The following NOX4 variants were observed in gnomAD, a reference collection of about 807,000 sequenced individuals.
NOX4 encodes NADPH oxidase 4.
Under a neutral mutation model 87.6 loss-of-function variants are expected in NOX4, and 69 were observed. The observed-to-expected ratio is 0.79, with a 90% CI of 0.65 to 0.96. The LOEUF is 0.96. Ranked by LOEUF, NOX4 falls within the 40% of genes least tolerant of loss-of-function variation. The pLI is 0.00. For missense variants in NOX4, 680 were observed against 681.5 expected, an observed-to-expected ratio of 1.00 and a Z score of 0.02; for synonymous variants, 275 against 238.2, an observed-to-expected ratio of 1.15 and a Z score of -1.42.
intron 11 of NOX4, among the ~76,000 whole-genome samples, chr11:89,385,205 T>A (rs182391723): frequency 6.6e-6 from 1 of 152,282 alleles, no homozygotes; most frequent in Admixed American, 6.5e-5. Flanking sequence ...GAAATAAGTT[T>A]CCTCACTATG....
the NOX4 span, among the ~76,000 whole-genome samples, chr11:89,531,359 C>A: frequency 2.6e-5 from 4 of 152,268 alleles, no homozygotes; most frequent in Admixed American, 2.6e-4. Flanking sequence ...GATTTTAAGA[C>A]ACCTAGATTA....
chr11:89,365,771 A>C (rs1220943839), intron 12 of NOX4, among the ~76,000 whole-genome samples: 1 of 151,372 alleles, frequency 6.6e-6, no homozygotes, highest in Non-Finnish European at 1.5e-5. Flanking sequence ...AAAAAAAAAA[A>C]AAAAACAGGA....
At chr11:89,339,983 C>T in intron 15 of NOX4, 80 bp downstream of exon 15, 1 of 665,072 alleles carries the variant, frequency 1.5e-6, no homozygotes, top group Non-Finnish European at 2.5e-6. Flanking sequence ...CTATGGCAAG[C>T]ATTTATTGCT....
intron 7 of NOX4, 145 bp downstream of exon 7, chr11:89,432,639 G>A (rs1488304750): frequency 1.8e-5 from 10 of 556,698 alleles, no homozygotes; most frequent in Admixed American, 3.1e-5. Flanking sequence ...AAGAAGTCAT[G>A]TATAGAAACA....
intron 6 of NOX4, among the ~76,000 whole-genome samples, chr11:89,437,650 T>C (rs935459459): frequency 1.3e-5 from 2 of 151,950 alleles, no homozygotes; most frequent in Admixed American, 1.3e-4. Context: ...CCAGAGGCCA[T>C]AAAAAAATGT....
upstream of NOX4, among the ~76,000 whole-genome samples, chr11:89,496,536 A>G (rs1380232264): frequency 6.6e-6 from 1 of 152,020 alleles, no homozygotes; most frequent in Non-Finnish European, 1.5e-5. Context: ...TGTACACCTT[A>G]AATATATAAA....
At chr11:89,415,527 G>A (rs765343302) in intron 8 of NOX4, among the ~76,000 whole-genome samples, 46 of 152,030 alleles carry the variant, frequency 3.0e-4, no homozygotes, top group African/African-American at 7.9e-4. Flanking sequence ...CAAACTTTAC[G>A]GTATCTAATG....
At chr11:89,421,871 T>C (rs1202871400) in intron 8 of NOX4, 31 bp downstream of exon 8, 4 of 1,383,342 alleles carry the variant, frequency 2.9e-6, no homozygotes, top group Non-Finnish European at 4.0e-6. Flanking sequence ...GGGGCACAAA[T>C]GGTTTTAAAT....
the NOX4 span, among the ~76,000 whole-genome samples, chr11:89,515,195 T>C: frequency 6.3e-3 from 954 of 152,202 alleles, 7 homozygotes; most frequent in African/African-American, 0.022. Context: ...ATAAATTCTA[T>C]TTCAAAGTAG....
chr11:89,512,582 G>C, the NOX4 span, among the ~76,000 whole-genome samples: 1 of 151,996 alleles, frequency 6.6e-6, no homozygotes, highest in Non-Finnish European at 1.5e-5. Context: ...GGCTTATCCA[G>C]GTTGTCACAA....
intron 11 of NOX4, among the ~76,000 whole-genome samples, chr11:89,382,203 G>T (rs908491520): frequency 1.1e-4 from 16 of 151,904 alleles, no homozygotes; most frequent in East Asian, 3.9e-4. Context: ...TTTTCTCTGG[G>T]CTTGCCTTCT....
At chr11:89,430,134 C>T (rs1943699108) in intron 7 of NOX4, among the ~76,000 whole-genome samples, 1 of 152,114 alleles carries the variant, frequency 6.6e-6, no homozygotes, top group Non-Finnish European at 1.5e-5. Context: ...GCAGAAAAGG[C>T]CTTTGACAAA....
chr11:89,336,450 T>C (rs1399327703), intron 16 of NOX4, among the ~76,000 whole-genome samples: 2 of 151,964 alleles, frequency 1.3e-5, no homozygotes, highest in African/African-American at 2.4e-5. Context: ...ATACTACAAA[T>C]TGTCATCGTA....
chr11:89,560,994 C>A, the NOX4 span, among the ~76,000 whole-genome samples: 5,574 of 58,294 alleles, frequency 0.096, 186 homozygotes, highest in East Asian at 0.17. Context: ...CTCTCTCTCT[C>A]TCTATATATA....
chr11:89,510,565 T>C, the NOX4 span, among the ~76,000 whole-genome samples: 6 of 152,136 alleles, frequency 3.9e-5, no homozygotes, highest in African/African-American at 1.4e-4. Context: ...TACTAACAAA[T>C]TATGTAATTT....
chr11:89,461,169 G>A (rs1945444913), intron 2 of NOX4, among the ~76,000 whole-genome samples: 1 of 151,970 alleles, frequency 6.6e-6, no homozygotes, highest in Non-Finnish European at 1.5e-5. Context: ...GGGGTGGGGG[G>A]AGCCGGGAGG....
At chr11:89,380,616 C>T (rs779583830) in intron 11 of NOX4, among the ~76,000 whole-genome samples, 4 of 152,054 alleles carry the variant, frequency 2.6e-5, no homozygotes, top group Non-Finnish European at 5.9e-5. Flanking sequence ...AATAGATTTA[C>T]CCTAAATACA....
intron 11 of NOX4, among the ~76,000 whole-genome samples, chr11:89,378,363 C>T (rs966549847): frequency 1.3e-5 from 2 of 152,122 alleles, no homozygotes; most frequent in African/African-American, 2.4e-5. Flanking sequence ...CTGTTCAAGG[C>T]TTATCTTAAA....
At chr11:89,461,163 T>TG (rs967671310) in intron 2 of NOX4, among the ~76,000 whole-genome samples, 1 of 151,204 alleles carries the variant, frequency 6.6e-6, no homozygotes, top group East Asian at 2.0e-4. Flanking sequence ...TGTTGTGGGG[T>TG]GGGGGGAGCC....
Sources: allele counts gnomAD v4.1 joint callset (sites outside exome capture counted in the v4.1 genomes callset), GRCh38; gene constraint gnomAD v4.1.1; transcripts MANE v1.5; gene names NCBI Gene and HGNC (gene_info 2026-07-23, HGNC 2026-07-21).